Variants in RBFOX1 observed in about 807,000 individuals in gnomAD.
The protein encoded by RBFOX1 is RNA binding fox-1 homolog 1.
A neutral mutation model predicts 57.7 loss-of-function variants in RBFOX1; 8 were observed. The observed-to-expected ratio is 0.14, with a 90% confidence interval of 0.08 to 0.25. The LOEUF (loss-of-function observed/expected upper bound fraction) is 0.25, where lower values mean the gene tolerates loss of function less well. RBFOX1 is among the 10% of genes least tolerant of loss of function. The probability of loss-of-function intolerance (pLI) is 1.00; values close to 1 mark genes in which losing one functional copy is unlikely to be tolerated. For synonymous variants in RBFOX1, 326 were observed against 222.4 expected (o/e 1.47, Z -4.15); for missense variants, 611 against 548.5 (o/e 1.11, Z -1.14).
At chr16:7,080,425 C>T (rs2059011443) in intron 4 of RBFOX1, among the ~76,000 whole-genome samples, 1 of 152,160 alleles carries the variant, frequency 6.6e-6, no homozygotes, top group African/African-American at 2.4e-5. Context: ...ACTATGATTT[C>T]AGTGCCAAAG....
intron 2 of RBFOX1, among the ~76,000 whole-genome samples, chr16:6,392,980 C>T (rs1483632755): frequency 3.3e-5 from 5 of 152,160 alleles, no homozygotes; most frequent in African/African-American, 1.2e-4. Context: ...TTTCAAGATG[C>T]TCACTAAATC....
intron 4 of RBFOX1, among the ~76,000 whole-genome samples, chr16:7,457,295 C>G (rs981694507): frequency 6.6e-6 from 1 of 152,160 alleles, no homozygotes; most frequent in Non-Finnish European, 1.5e-5. Flanking sequence ...ATAGCAAACA[C>G]TATCTTCCGA....
At chr16:5,911,466 T>C (rs140856034) in intron 4 of RBFOX1, among the ~76,000 whole-genome samples, 27 of 152,298 alleles carry the variant, frequency 1.8e-4, no homozygotes, top group African/African-American at 6.0e-4. Flanking sequence ...CCCCACAGTA[T>C]TGAGTACATG....
At chr16:7,163,435 T>A (rs1236404825) in intron 4 of RBFOX1, among the ~76,000 whole-genome samples, 1 of 152,076 alleles carries the variant, frequency 6.6e-6, no homozygotes, top group Non-Finnish European at 1.5e-5. Context: ...TCTGGTGACG[T>A]TTTGCTTTGC....
intron 4 of RBFOX1, among the ~76,000 whole-genome samples, chr16:5,979,453 C>G (rs1243636970): frequency 6.6e-6 from 1 of 152,162 alleles, no homozygotes; most frequent in African/African-American, 2.4e-5. Context: ...TGTTGAGGGG[C>G]TTAACACCAT....
chr16:7,082,664 T>C (rs1349088010), intron 4 of RBFOX1, among the ~76,000 whole-genome samples: 1 of 152,238 alleles, frequency 6.6e-6, no homozygotes, highest in Non-Finnish European at 1.5e-5. Flanking sequence ...GTAACACAAC[T>C]GTTTAATGAA....
chr16:7,098,246 T>C (rs2062028835), intron 4 of RBFOX1, among the ~76,000 whole-genome samples: 1 of 152,212 alleles, frequency 6.6e-6, no homozygotes. Context: ...CTTGGCCCAT[T>C]ACAACCTCCG....
chr16:7,150,716 G>T (rs1416408543), intron 4 of RBFOX1, among the ~76,000 whole-genome samples: 1 of 152,208 alleles, frequency 6.6e-6, no homozygotes, highest in Non-Finnish European at 1.5e-5. Context: ...TTGGATATCA[G>T]CTGTTAACTT....
Position 6,930,730 on chromosome 16 carries a change from G to C in RBFOX1, c.-15-121327G>C, listed in dbSNP as rs912782088. 5.5e-4 allele frequency among the ~76,000 whole-genome samples: 83 copies of C among 152,052 alleles called. 1 individual carries two copies. Among genetic ancestry groups the C allele is most frequent in the African/African-American group, 2.0e-3 (83 of 41,410 alleles). ...TGGCCTAATTCCCCGTTTTTAAAAT[G>C]GGTTTAACATCTTTTTATATGTTTA... On this transcript the variant is annotated intron_variant, in intron 3 of 15. Coordinates refer to ENST00000550418, the MANE Select transcript of RBFOX1 (RefSeq NM_018723.4).
intron 14 of RBFOX1, among the ~76,000 whole-genome samples, chr16:7,705,295 A>T (rs973659283): frequency 2.6e-5 from 4 of 152,082 alleles, no homozygotes; most frequent in African/African-American, 9.7e-5. Context: ...TCACGAGGTC[A>T]GGAGATCAAA....
At chr16:6,800,538 A>C (rs868014252) in intron 3 of RBFOX1, among the ~76,000 whole-genome samples, 3 of 152,174 alleles carry the variant, frequency 2.0e-5, no homozygotes, top group Non-Finnish European at 2.9e-5. Flanking sequence ...CCTTCCGTGC[A>C]CGCTACACTT....
intron 4 of RBFOX1, among the ~76,000 whole-genome samples, chr16:7,208,564 A>T (rs1254509545): frequency 6.6e-6 from 1 of 152,154 alleles, no homozygotes; most frequent in African/African-American, 2.4e-5. Flanking sequence ...TGCTGGGTGC[A>T]GTGGCTCATA....
At chr16:6,968,810 C>T (rs896705702) in intron 3 of RBFOX1, among the ~76,000 whole-genome samples, 6 of 151,514 alleles carry the variant, frequency 4.0e-5, no homozygotes, top group African/African-American at 1.5e-4. Context: ...TGTATTAATC[C>T]AGGTTTTTTT....
chr16:7,384,720 T>G (rs1363700285), intron 4 of RBFOX1, among the ~76,000 whole-genome samples: 1 of 152,154 alleles, frequency 6.6e-6, no homozygotes. Flanking sequence ...GAAATAGAGA[T>G]GTAAGTCAGG....
intron 1 of RBFOX1, among the ~76,000 whole-genome samples, chr16:6,156,836 A>G (rs1042385744): frequency 6.6e-6 from 1 of 152,006 alleles, no homozygotes; most frequent in Admixed American, 6.6e-5. Context: ...ATTTAAATGT[A>G]TTTTATTTCT....
intron 7 of RBFOX1, among the ~76,000 whole-genome samples, 190 bp from the exon 8 acceptor site, chr16:7,595,359 A>G (rs1433100554): frequency 6.6e-6 from 1 of 152,242 alleles, no homozygotes; most frequent in Non-Finnish European, 1.5e-5. Context: ...GGTGACAGAA[A>G]AAAATATCTT....
chr16:5,552,930 G>C (rs554569055), intron 2 of RBFOX1, among the ~76,000 whole-genome samples: 1 of 152,062 alleles, frequency 6.6e-6, no homozygotes, highest in Non-Finnish European at 1.5e-5. Context: ...CAAAAGGCAA[G>C]GTGTATGGAA....
chr16:7,615,711 C>G (rs1378817513), intron 10 of RBFOX1, among the ~76,000 whole-genome samples: 1 of 151,954 alleles, frequency 6.6e-6, no homozygotes, highest in African/African-American at 2.4e-5. Flanking sequence ...ATTGTTACAT[C>G]TTGGGTGGTG....
In RBFOX1 at chr16:7,385,216, A is replaced by T. The variant is rs182765302; in HGVS notation, c.28-132931A>T. Reference sequence around the variant, plus strand: ...ACGGATGCAGAGATTTGCATTTCACAAAGATGACTGCTTGCCACGTGAAAC... The same window carrying T: ...ACGGATGCAGAGATTTGCATTTCACTAAGATGACTGCTTGCCACGTGAAAC... On this transcript the variant is annotated intron_variant, in intron 4 of 15. Transcript: ENST00000550418. Among the ~76,000 whole-genome samples, 38 of 152,334 alleles carry T rather than the reference A, an allele frequency of 2.5e-4. 1 individual carries two copies. The East Asian group carries it at 7.1e-3, about 29-fold the overall frequency.
Sources: allele counts gnomAD v4.1 joint callset (sites outside exome capture counted in the v4.1 genomes callset), GRCh38; gene constraint gnomAD v4.1.1; transcripts MANE v1.5; gene names NCBI Gene and HGNC (gene_info 2026-07-23, HGNC 2026-07-21).